RBFOX1: variants seen among roughly 807,000 people sequenced by gnomAD.
RBFOX1 encodes the protein RNA binding fox-1 homolog 1.
A neutral mutation model predicts 57.7 loss-of-function variants in RBFOX1; 8 were observed. The observed-to-expected ratio is 0.14, with a 90% confidence interval of 0.08 to 0.25. The LOEUF (loss-of-function observed/expected upper bound fraction) is 0.25. Among genes scored for constraint, RBFOX1 ranks in the 10% least tolerant of loss-of-function variants. RBFOX1 has a pLI of 1.00. For synonymous variants in RBFOX1, 326 were observed against 222.4 expected (o/e 1.47, Z -4.15); for missense variants, 611 against 548.5 (o/e 1.11, Z -1.14).
intron 2 of RBFOX1, among the ~76,000 whole-genome samples, chr16:6,644,937 T>C (rs1296644302): frequency 6.6e-6 from 1 of 152,146 alleles, no homozygotes; most frequent in East Asian, 1.9e-4. Flanking sequence ...TTCTATGACT[T>C]CCGTAGCAAA....
chr16:7,070,790 C>G (rs898184656), intron 4 of RBFOX1, among the ~76,000 whole-genome samples: 1 of 152,168 alleles, frequency 6.6e-6, no homozygotes, highest in Non-Finnish European at 1.5e-5. Flanking sequence ...CATCCCCCTT[C>G]CCCTTAGCCA....
intron 3 of RBFOX1, among the ~76,000 whole-genome samples, chr16:6,965,218 A>T (rs902061964): frequency 6.6e-6 from 1 of 152,126 alleles, no homozygotes; most frequent in African/African-American, 2.4e-5. Context: ...ACTAATGAAA[A>T]GGAAAGCATT....
At position 5,950,536 on chromosome 16, in the gene RBFOX1, G is replaced by A. The variant is rs576744671; in HGVS notation, c.351+83201G>A. Among the ~76,000 whole-genome samples the A allele has an allele frequency of 2.6e-5, 4 of 152,204 alleles. No individual in the cohort carries two copies. The South Asian group carries it at 6.2e-4, about 24-fold the overall frequency. ...ACTCCCCATTCTTGAGTATCACTAC[G>A]GGCTCATAGATCCTTCTTAAGTTAT... On this transcript the variant is annotated intron_variant, in intron 4 of 19. Transcript: ENST00000641259.
chr16:5,440,824 C>T (rs2068061826), intron 1 of RBFOX1, among the ~76,000 whole-genome samples: 1 of 152,038 alleles, frequency 6.6e-6, no homozygotes, highest in South Asian at 2.1e-4. Flanking sequence ...GGAGGGATTC[C>T]CATGAGTTGG....
chr16:5,669,481 A>G (rs997987636), intron 3 of RBFOX1, among the ~76,000 whole-genome samples: 37 of 134,406 alleles, frequency 2.8e-4, no homozygotes, highest in African/African-American at 1.0e-3. Context: ...GTGCAGTGGC[A>G]CTATCTTGGC....
At chr16:7,240,709 C>G (rs1489483643) in intron 4 of RBFOX1, among the ~76,000 whole-genome samples, 2 of 152,010 alleles carry the variant, frequency 1.3e-5, no homozygotes, top group African/African-American at 4.8e-5. Context: ...CATTCACCAC[C>G]ACACCTGGCT....
At chr16:7,463,708 G>C (rs543558352) in intron 4 of RBFOX1, among the ~76,000 whole-genome samples, 1 of 152,114 alleles carries the variant, frequency 6.6e-6, no homozygotes, top group Non-Finnish European at 1.5e-5. Flanking sequence ...CCAGAGATTA[G>C]GGCATGGGAA....
chr16:6,254,210 G>C (rs8054572), intron 1 of RBFOX1, among the ~76,000 whole-genome samples: 53,825 of 152,032 alleles, frequency 0.35, 10,358 homozygotes, highest in African/African-American at 0.51. Context: ...GATATTGCCT[G>C]TCTGTATAGG....
At position 6,363,821 on chromosome 16, in the gene RBFOX1, A is replaced by C. The variant is rs142455726; in HGVS notation, c.-64+46764A>C. Among the ~76,000 whole-genome samples, 1,057 of 152,314 alleles carry C rather than the reference A, an allele frequency of 6.9e-3. 17 individuals carry two copies. The highest frequency in any genetic ancestry group is 0.024 in the African/African-American group (999 of 41,572). On this transcript the variant is annotated intron_variant, in intron 2 of 15. Coordinates refer to ENST00000550418, the MANE Select transcript of RBFOX1 (RefSeq NM_018723.4). ...CAGACCCTCTTGTTACTTTTTAATG[A>C]AGTCTGTCTGATTCTGTGATATTTT...
At chr16:7,705,422 A>G (rs1473792678) in intron 14 of RBFOX1, among the ~76,000 whole-genome samples, 2 of 151,936 alleles carry the variant, frequency 1.3e-5, no homozygotes, top group East Asian at 3.9e-4. Flanking sequence ...GGAGAATGGC[A>G]TGAACTTGAG....
chr16:6,717,917 T>G (rs1568337275), intron 3 of RBFOX1, among the ~76,000 whole-genome samples: 2 of 152,226 alleles, frequency 1.3e-5, no homozygotes, highest in South Asian at 4.1e-4. Flanking sequence ...TATACTGGGA[T>G]AAAGCTTCAG....
intron 4 of RBFOX1, among the ~76,000 whole-genome samples, chr16:5,996,911 A>G (rs2060499888): frequency 2.0e-5 from 3 of 152,192 alleles, no homozygotes; most frequent in South Asian, 2.1e-4. Context: ...AGCAAAAACC[A>G]CAGTTACTTT....
intron 4 of RBFOX1, among the ~76,000 whole-genome samples, chr16:7,062,772 G>C (rs1019159172): frequency 1.3e-5 from 2 of 152,046 alleles, no homozygotes; most frequent in Non-Finnish European, 1.5e-5. Flanking sequence ...TGGTGAAATT[G>C]AGTGAAGAGA....
intron 2 of RBFOX1, among the ~76,000 whole-genome samples, chr16:6,504,204 T>A (rs1340247124): frequency 6.6e-6 from 1 of 152,188 alleles, no homozygotes; most frequent in Admixed American, 6.5e-5. Flanking sequence ...CAAGCCTGCA[T>A]GATAGAGCTA....
intron 3 of RBFOX1, among the ~76,000 whole-genome samples, chr16:6,915,541 C>G (rs1429348309): frequency 7.5e-6 from 1 of 132,994 alleles, no homozygotes; most frequent in East Asian, 2.2e-4. Context: ...TCCTCACCCC[C>G]ACACCCCCCT....
chr16:5,465,765 T>C (rs756831574), intron 1 of RBFOX1, among the ~76,000 whole-genome samples: 36 of 152,300 alleles, frequency 2.4e-4, no homozygotes, highest in Non-Finnish European at 4.4e-4. Flanking sequence ...CGTGGCCTCA[T>C]TGAATCGTCA....
At chr16:7,256,012 T>C (rs986542603) in intron 4 of RBFOX1, among the ~76,000 whole-genome samples, 2 of 152,246 alleles carry the variant, frequency 1.3e-5, no homozygotes, top group East Asian at 3.8e-4. Context: ...TTGTCTTATT[T>C]GCATTTCCCA....
At chr16:7,241,226 G>C (rs905158994) in intron 4 of RBFOX1, among the ~76,000 whole-genome samples, 1 of 152,104 alleles carries the variant, frequency 6.6e-6, no homozygotes, top group Non-Finnish European at 1.5e-5. Flanking sequence ...AAATCACACG[G>C]AGTTTTTATT....
chr16:6,254,090 A>G (rs1027450983), intron 1 of RBFOX1, among the ~76,000 whole-genome samples: 2 of 152,152 alleles, frequency 1.3e-5, no homozygotes, highest in Non-Finnish European at 2.9e-5. Flanking sequence ...AAGGAATTCC[A>G]GTGAGAATTT....
Sources: allele counts gnomAD v4.1 joint callset (sites outside exome capture counted in the v4.1 genomes callset), GRCh38; gene constraint gnomAD v4.1.1; transcripts MANE v1.5; gene names NCBI Gene and HGNC (gene_info 2026-07-23, HGNC 2026-07-21).